The following NIPA1 variants were observed in gnomAD, a reference collection of about 807,000 sequenced individuals.
NIPA1 encodes NIPA magnesium transporter 1.
In NIPA1, 13 loss-of-function variants were observed where a neutral mutation model predicts 23.9. That is an observed-to-expected ratio of 0.54 (90% CI 0.35 to 0.87). NIPA1 has a LOEUF of 0.87. Among genes scored for constraint, NIPA1 ranks in the 40% least tolerant of loss-of-function variants. The pLI is 0.01. For missense variants in NIPA1, 362 were observed against 429.7 expected, an observed-to-expected ratio of 0.84 and a Z score of 1.39; for synonymous variants, 234 against 202.9, an observed-to-expected ratio of 1.15 and a Z score of -1.30.
chr15:22,811,993 T>A (rs959628881), intron 2 of NIPA1, among the ~76,000 whole-genome samples, 170 bp from the exon 3 acceptor site: 1 of 152,210 alleles, frequency 6.6e-6, no homozygotes, highest in Non-Finnish European at 1.5e-5. Context: ...AAGGTGTGGT[T>A]CCTGACCCCT....
intron 1 of NIPA1, among the ~76,000 whole-genome samples, chr15:22,806,387 T>TA (rs1348695847): frequency 1.3e-5 from 2 of 152,212 alleles, no homozygotes; most frequent in Non-Finnish European, 2.9e-5. Flanking sequence ...TTAGCTGTTA[T>TA]AAACAGCTAT....
chr15:22,797,670 A>G (rs1199445254), intron 1 of NIPA1, among the ~76,000 whole-genome samples: 5 of 150,748 alleles, frequency 3.3e-5, no homozygotes, highest in Admixed American at 2.6e-4. Context: ...CGCCTGGCTA[A>G]TTTTGTATTT....
chr15:22,818,113 A>G (rs1464552440), intron 3 of NIPA1, among the ~76,000 whole-genome samples: 3 of 152,180 alleles, frequency 2.0e-5, no homozygotes, highest in Non-Finnish European at 4.4e-5. Context: ...ATTTCAAAGT[A>G]TATATCTGAT....
chr15:22,787,486 C>T (rs553131377), intron 1 of NIPA1, among the ~76,000 whole-genome samples: 10 of 152,326 alleles, frequency 6.6e-5, no homozygotes, highest in Admixed American at 1.3e-4. Context: ...GGAGAACACG[C>T]GCGGCAGATC....
intron 1 of NIPA1, among the ~76,000 whole-genome samples, chr15:22,792,733 C>T (rs990086798): frequency 1.1e-4 from 16 of 152,108 alleles, no homozygotes; most frequent in South Asian, 6.2e-4. Flanking sequence ...GCAGGTGGAT[C>T]GCCTGAGGTC....
chr15:22,807,114 T>G (rs887207354), intron 1 of NIPA1, among the ~76,000 whole-genome samples: 6 of 152,314 alleles, frequency 3.9e-5, no homozygotes, highest in Admixed American at 2.0e-4. Flanking sequence ...CCTGAAATGC[T>G]TGGAACTGAA....
intron 1 of NIPA1, among the ~76,000 whole-genome samples, chr15:22,792,820 G>A (rs1004506118): frequency 6.6e-6 from 1 of 151,974 alleles, no homozygotes; most frequent in Non-Finnish European, 1.5e-5. Context: ...CGGGTGTGGT[G>A]GTGGGCACCT....
chr15:22,810,396 A>T (rs1175961169), intron 1 of NIPA1, among the ~76,000 whole-genome samples: 1 of 152,226 alleles, frequency 6.6e-6, no homozygotes, highest in Admixed American at 6.5e-5. Context: ...TAAATGCATG[A>T]GAGAGTTGGA....
chr15:22,797,510 C>CTTTTT (rs35158063), intron 1 of NIPA1, among the ~76,000 whole-genome samples: 1 of 124,592 alleles, frequency 8.0e-6, no homozygotes, highest in African/African-American at 3.2e-5. Flanking sequence ...CCGCGCCTGG[C>CTTTTT]TTTTTTTTTT....
intron 1 of NIPA1, among the ~76,000 whole-genome samples, chr15:22,798,228 T>G (rs936350993): frequency 2.9e-5 from 4 of 139,402 alleles, no homozygotes; most frequent in Admixed American, 8.0e-5. Flanking sequence ...GAAACATATA[T>G]GCTAAAAATC....
intron 2 of NIPA1, among the ~76,000 whole-genome samples, chr15:22,811,246 A>G (rs1196710005): frequency 6.6e-6 from 1 of 152,208 alleles, no homozygotes; most frequent in Non-Finnish European, 1.5e-5. Context: ...TAATGTAAAG[A>G]TAAATAATAA....
At position 22,789,668 on chromosome 15, in the gene NIPA1, A is replaced by C. The variant is rs75547400; in HGVS notation, c.178+2834A>C. On this transcript the variant is annotated intron_variant, in intron 1 of 4. Transcript: ENST00000337435. The stretch of plus-strand genomic sequence containing the variant: ...AGGGAACATTTCCGAGTCATGTGGC[A>C]CCAAAGTATGTTACCAGTGGGGAAT... Among the ~76,000 whole-genome samples, 10 of 152,318 alleles carry C rather than the reference A, an allele frequency of 6.6e-5. 1 individual carries two copies. The highest frequency in any genetic ancestry group is 2.4e-4 in the African/African-American group (10 of 41,556).
At chr15:22,799,002 T>A (rs1895006233) in intron 1 of NIPA1, among the ~76,000 whole-genome samples, 1 of 152,108 alleles carries the variant, frequency 6.6e-6, no homozygotes, top group Non-Finnish European at 1.5e-5. Context: ...GTTCAACCCC[T>A]GTGGAAAACA....
intron 3 of NIPA1, among the ~76,000 whole-genome samples, chr15:22,814,872 G>T (rs1331644256): frequency 2.6e-5 from 4 of 152,068 alleles, no homozygotes; most frequent in African/African-American, 9.7e-5. Flanking sequence ...TCTGTATCTG[G>T]GTATCTCAGT....
At chr15:22,795,906 G>C (rs999075686) in intron 1 of NIPA1, among the ~76,000 whole-genome samples, 2 of 152,144 alleles carry the variant, frequency 1.3e-5, no homozygotes, top group East Asian at 3.9e-4. Flanking sequence ...GGTGGTTAGG[G>C]GGAAGATAGA....
chr15:22,786,863 GGGCGGGTGGGGGA>G, intron 1 of NIPA1, 29 bp downstream of exon 1: 6 of 985,488 alleles, frequency 6.1e-6, no homozygotes, highest in Non-Finnish European at 7.7e-6. Context: ...GGCAGGCGGC[GGGCGGGTGGGGGA>G]GGCGGGCGGC....
chr15:22,811,849 T>TG (rs1895323583), intron 2 of NIPA1, among the ~76,000 whole-genome samples: 1 of 152,152 alleles, frequency 6.6e-6, no homozygotes, highest in Non-Finnish European at 1.5e-5. Context: ...AAGTTCTGCC[T>TG]GATTTGTGTG....
chr15:22,797,424 G>C (rs1595632585), intron 1 of NIPA1, among the ~76,000 whole-genome samples: 3 of 151,888 alleles, frequency 2.0e-5, no homozygotes, highest in African/African-American at 7.3e-5. Context: ...ATGTTAGCCA[G>C]GATGGTCTCG....
In NIPA1 at chr15:22,823,798, T is replaced by C. The variant is rs1895593601; in HGVS notation, c.549T>C (p.His183=). The part of the protein sequence containing the change: ...LLLIFWIAPA[H]GPTNIMVYIS... ...TCATCTTCTGGATCGCGCCGGCCCA[T>C]GGGCCCACCAACATCATGGTCTACA... The change falls in exon 5 of 5, where the codon CAT becomes CAC. Residue 183 remains histidine, a synonymous_variant. Coordinates refer to ENST00000337435, the MANE Select transcript of NIPA1 (RefSeq NM_144599.5). 1.9e-6 allele frequency: 3 copies of C among 1,613,870 alleles called. No individual in the cohort carries two copies. The highest frequency in any genetic ancestry group is 1.3e-5 in the African/African-American group (1 of 74,932).
Sources: gnomAD v4.1 joint callset for allele counts (sites outside exome capture counted in the v4.1 genomes callset) on GRCh38, gnomAD v4.1.1 for gene constraint, MANE v1.5 for transcripts, NCBI Gene and HGNC (gene_info 2026-07-23, HGNC 2026-07-21) for gene names.